The following TFDP1 variants were observed in gnomAD, a reference collection of about 807,000 sequenced individuals.
TFDP1 encodes the protein transcription factor Dp-1.
TFDP1 carries 6 observed loss-of-function variants against 48.0 expected under a neutral mutation model. The observed-to-expected ratio is 0.13, with a 90% CI of 0.07 to 0.25. The LOEUF (loss-of-function observed/expected upper bound fraction) is 0.25. Among genes scored for constraint, TFDP1 ranks in the 10% least tolerant of loss-of-function variants. TFDP1 has a pLI of 1.00. For missense variants in TFDP1, 335 were observed against 543.0 expected (o/e 0.62, Z 3.81); for synonymous variants, 201 against 211.6 (o/e 0.95, Z 0.44).
chr13:113,619,048 G>A (rs892059823), intron 3 of TFDP1, among the ~76,000 whole-genome samples: 2 of 152,208 alleles, frequency 1.3e-5, no homozygotes, highest in African/African-American at 4.8e-5. Flanking sequence ...CCTGGGGACT[G>A]TAATTTTATT....
intron 8 of TFDP1, among the ~76,000 whole-genome samples, chr13:113,634,927 A>C (rs1024041265): frequency 1.3e-5 from 2 of 151,868 alleles, no homozygotes; most frequent in South Asian, 2.1e-4. Flanking sequence ...GTGTGTGTGC[A>C]TGTGTGCATA....
At chr13:113,624,638 A>AGGGTGTCTCTCACATGTCCTC (rs2049081011) in intron 4 of TFDP1, among the ~76,000 whole-genome samples, 1 of 141,396 alleles carries the variant, frequency 7.1e-6, no homozygotes, top group Non-Finnish European at 1.5e-5. Flanking sequence ...GGTGTCTCTC[A>AGGGTGTCTCTCACATGTCCTC]GGGTGTCTCT....
At position 113,633,788 on chromosome 13, in the gene TFDP1, C is replaced by T. The variant is rs147278446; in HGVS notation, c.475-102C>T. ...TGAGGGCATGTTGGGGTGGCGGCTCCGTGAGCGGGGTGCCCCTTTGAGCCA... is the reference window on the plus strand; with the variant it reads ...TGAGGGCATGTTGGGGTGGCGGCTCTGTGAGCGGGGTGCCCCTTTGAGCCA... On this transcript the variant is annotated intron_variant, in intron 6 of 11. Coordinates refer to ENST00000375370, the MANE Select transcript of TFDP1 (RefSeq NM_007111.5). This position sits in a 1 kb window ranked among gnomAD's most constrained non-coding sequence, Gnocchi z 4.5. 2.1e-4 allele frequency: 305 copies of T among 1,425,254 alleles called. 1 individual carries two copies. The East Asian group carries it at 4.8e-3, about 22-fold the overall frequency. The allele number at this position is 1,425,254 out of a possible 1,614,324, so 88.3% of individuals were successfully genotyped here.
rs116371351 is a variant in TFDP1 at position 113,602,059 on chromosome 13, G to A, written c.13-8937G>A. 3.9e-3 allele frequency among the ~76,000 whole-genome samples: 586 copies of A among 151,802 alleles called. 7 individuals carry two copies. Among genetic ancestry groups the A allele is most frequent in the African/African-American group, 0.013 (551 of 41,324 alleles). On this transcript the variant is annotated intron_variant, in intron 2 of 11. Coordinates refer to ENST00000375370, the MANE Select transcript of TFDP1 (RefSeq NM_007111.5). Reference sequence around the variant, plus strand: ...AGGAGTTCAGGGAGGAGTGGATGGAGTTACCCACAGCAGTCGAGGGAGAAG... The same window carrying A: ...AGGAGTTCAGGGAGGAGTGGATGGAATTACCCACAGCAGTCGAGGGAGAAG...
chr13:113,599,527 G>C (rs2048359913), intron 2 of TFDP1, among the ~76,000 whole-genome samples: 1 of 152,224 alleles, frequency 6.6e-6, no homozygotes, highest in African/African-American at 2.4e-5. Context: ...CTGGCTGAAT[G>C]TTCATCCTTC....
rs369498664 is a variant in TFDP1 at position 113,587,202 on chromosome 13, G to A, written c.12+1353G>A. On this transcript the variant is annotated intron_variant, in intron 2 of 11. Coordinates refer to ENST00000375370, the MANE Select transcript of TFDP1 (RefSeq NM_007111.5). ...TAGTGTGAGGCTGGGGGTGGGGGGC[G>A]TGTGGAAAGGTGGTCCGGCTCTGCA... Among the ~76,000 whole-genome samples, 32 of 152,252 alleles carry A rather than the reference G, an allele frequency of 2.1e-4. No homozygotes were observed. The East Asian group carries it at 2.1e-3, about 10-fold the overall frequency.
At chr13:113,606,921 A>C (rs1042989015) in intron 2 of TFDP1, among the ~76,000 whole-genome samples, 1 of 152,114 alleles carries the variant, frequency 6.6e-6, no homozygotes. Context: ...TTCCTGTCTT[A>C]CAGCCTCATG....
intron 3 of TFDP1, among the ~76,000 whole-genome samples, chr13:113,615,102 A>G (rs2048824624): frequency 6.6e-6 from 1 of 152,112 alleles, no homozygotes; most frequent in African/African-American, 2.4e-5. Context: ...GACATTTTGC[A>G]TCCACAGGCT....
chr13:113,633,984 A>G lies in TFDP1; in HGVS notation c.569A>G (p.Lys190Arg), dbSNP rs1419032650. 1 of 1,614,214 alleles carries G rather than the reference A, an allele frequency of 6.2e-7. No individual in the cohort carries two copies. Among genetic ancestry groups the G allele is most frequent in the Non-Finnish European group, 8.5e-7 (1 of 1,180,032 alleles). ...NIISKEKKEI[K>R]WIGLPTNSAQ... The stretch of plus-strand genomic sequence containing the variant: ...ATCTCCAAGGAGAAGAAGGAGATCA[A>G]GTGGATTGGTCTGCCCACCAACTCG... The change falls in exon 7 of 12, where the codon AAG becomes AGG. Residue 190 changes from lysine (K) to arginine (R), a missense_variant. Physicochemically the swap from Lys to Arg is conservative, Grantham distance 26. Around this residue, in one of 3 missense-constraint regions of TFDP1, gnomAD observed 28 missense variants for 115.5 expected, o/e 0.24. Transcript: ENST00000375370. This position sits in a 1 kb window ranked among gnomAD's most constrained non-coding sequence, Gnocchi z 4.5.
At chr13:113,625,714 A>G (rs2049143352) in intron 4 of TFDP1, among the ~76,000 whole-genome samples, 1 of 60,150 alleles carries the variant, frequency 1.7e-5, no homozygotes, top group African/African-American at 9.3e-5. Context: ...GGCGTCTCTC[A>G]CATGTCTTCA....
chr13:113,608,146 C>T (rs1306483290), intron 2 of TFDP1, among the ~76,000 whole-genome samples: 1 of 152,154 alleles, frequency 6.6e-6, no homozygotes. Flanking sequence ...GGGGGTCTTC[C>T]ACATGCCCTG....
intron 2 of TFDP1, among the ~76,000 whole-genome samples, chr13:113,600,654 C>T (rs112454928): frequency 3.0e-4 from 44 of 147,004 alleles, no homozygotes; most frequent in Non-Finnish European, 1.5e-4. Context: ...AACCCTTACA[C>T]GTAGAGCTCC....
rs4150730 is a variant in TFDP1, at chr13:113,610,998, C to T, written c.15C>T (p.Ala5=). The T allele has an allele frequency of 9.4e-4, 1,520 of 1,613,902 alleles. 1 individual carries two copies. Among genetic ancestry groups the T allele is most frequent in the Non-Finnish European group, 1.2e-3 (1,380 of 1,179,944 alleles). The stretch of plus-strand genomic sequence containing the variant: ...TATTGTTTTGTTGCTTTCCGCAGGC[C>T]GGTCTAATTGAAGCCAACGGAGAAC... The part of the protein sequence containing the change: MAKD[A]GLIEANGELK... Residue 5 remains alanine (A), a splice_region_variant and synonymous_variant, in exon 3 of 12, where the codon GCC becomes GCT. Transcript: ENST00000375370.
At chr13:113,601,019 C>T (rs879881166) in intron 2 of TFDP1, among the ~76,000 whole-genome samples, 1 of 152,218 alleles carries the variant, frequency 6.6e-6, no homozygotes, top group South Asian at 2.1e-4. Flanking sequence ...TTTGCTCACT[C>T]GGAGCGTGTT....
intron 9 of TFDP1, among the ~76,000 whole-genome samples, 166 bp downstream of exon 9, chr13:113,636,294 A>G (rs2049485959): frequency 6.6e-6 from 1 of 152,274 alleles, no homozygotes; most frequent in Non-Finnish European, 1.5e-5. Context: ...CATGTGGCAG[A>G]TGGAAGGTCT....
chr13:113,588,091 C>T (rs1417205693), intron 2 of TFDP1, among the ~76,000 whole-genome samples: 3 of 152,134 alleles, frequency 2.0e-5, no homozygotes, highest in African/African-American at 4.8e-5. Context: ...CTCAGGGGAT[C>T]CACCCACCTC....
intron 4 of TFDP1, among the ~76,000 whole-genome samples, chr13:113,628,209 C>CTG (rs1172610102): frequency 7.0e-6 from 1 of 142,452 alleles, no homozygotes; most frequent in African/African-American, 2.8e-5. Context: ...CGTGTAAAGA[C>CTG]TGTCTGGAGC....
At chr13:113,596,702 C>T (rs1303525411) in intron 2 of TFDP1, among the ~76,000 whole-genome samples, 1 of 152,186 alleles carries the variant, frequency 6.6e-6, no homozygotes, top group Admixed American at 6.5e-5. Flanking sequence ...AATGGAAAAG[C>T]AGTTCCCATT....
At chr13:113,610,780 G>A (rs536678789) in intron 2 of TFDP1, among the ~76,000 whole-genome samples, 1 of 152,310 alleles carries the variant, frequency 6.6e-6, no homozygotes, top group African/African-American at 2.4e-5. Flanking sequence ...CCTGGTGGAC[G>A]GTGCTGTTTT....
Sources: allele counts gnomAD v4.1 joint callset (sites outside exome capture counted in the v4.1 genomes callset), GRCh38; gene constraint gnomAD v4.1.1; regional missense constraint gnomAD v4.1.1; non-coding constraint Gnocchi (gnomAD v3.1); transcripts MANE v1.5; gene names NCBI Gene and HGNC (gene_info 2026-07-23, HGNC 2026-07-21).